DUSP19: variants seen among roughly 807,000 people sequenced by gnomAD.
DUSP19 encodes the protein dual specificity protein phosphatase 19.
In DUSP19, 14 loss-of-function variants were observed where a neutral mutation model predicts 16.6. The observed-to-expected ratio is 0.84, with a 90% CI of 0.56 to 1.32. The LOEUF (loss-of-function observed/expected upper bound fraction) is 1.32. Among genes scored for constraint, DUSP19 ranks in the 40% most tolerant of loss-of-function variants. The probability of loss-of-function intolerance (pLI) is 0.00; values close to 1 mark genes in which losing one functional copy is unlikely to be tolerated. For missense variants in DUSP19, 258 were observed against 255.9 expected, an observed-to-expected ratio of 1.01 and a Z score of -0.06; for synonymous variants, 81 against 90.5, an observed-to-expected ratio of 0.90 and a Z score of 0.59.
Position 183,087,085 on chromosome 2 carries a change from C to T in DUSP19, c.319C>T (p.Leu107Phe). The T allele has an allele frequency of 6.2e-7, 1 of 1,612,840 alleles. No homozygotes were observed. The highest frequency in any genetic ancestry group is 8.5e-7 in the Non-Finnish European group (1 of 1,179,726). ...TGCATATGGAGTTGAAAATGCTTTC[C>T]TCAGTGACTTTACATATAAGAGCAT... ...NVAYGVENAF[L>F]SDFTYKSISI... Residue 107 changes from leucine to phenylalanine, a missense_variant, in exon 3 of 4, where the codon CTC becomes TTC. Leu to Phe is a conservative substitution (Grantham distance 22). Transcript: ENST00000354221.
At chr2:183,088,272 T>C (rs1011210771) in intron 3 of DUSP19, among the ~76,000 whole-genome samples, 1 of 152,172 alleles carries the variant, frequency 6.6e-6, no homozygotes, top group African/African-American at 2.4e-5. Flanking sequence ...CACTCTGTGA[T>C]GTTTACACCA....
chr2:183,093,298 A>G (rs971508069), intron 3 of DUSP19, among the ~76,000 whole-genome samples: 1 of 152,230 alleles, frequency 6.6e-6, no homozygotes, highest in Non-Finnish European at 1.5e-5. Context: ...GAACAAATGT[A>G]TTCACTTAGC....
chr2:183,079,392 ATTTTAGAAAAGC>A (rs1699563392), intron 1 of DUSP19, among the ~76,000 whole-genome samples: 1 of 152,182 alleles, frequency 6.6e-6, no homozygotes, highest in African/African-American at 2.4e-5. Context: ...GCATATTTGA[ATTTTAGAAAAGC>A]TTTCTTCCCG....
At position 183,099,616 on chromosome 2, in the gene DUSP19, A is replaced by G. The variant is rs1699848840; in HGVS notation, c.*3958A>G. On this transcript the variant is annotated 3_prime_UTR_variant, in exon 4 of 4. Transcript: ENST00000354221. The stretch of plus-strand genomic sequence containing the variant: ...GTGTTGATATACTTTAATAAAAATG[A>G]TATGTTTAATATTTTCCCATTAATA... 2.0e-5 allele frequency: 3 copies of G among 152,198 alleles called. No homozygotes were observed. Among genetic ancestry groups the G allele is most frequent in the African/African-American group, 7.2e-5 (3 of 41,452 alleles). The allele number at this position is 152,198 out of a possible 1,614,324, so 9.4% of individuals were successfully genotyped here.
chr2:183,085,095 A>G (rs909064677), intron 2 of DUSP19, among the ~76,000 whole-genome samples: 3 of 152,224 alleles, frequency 2.0e-5, no homozygotes, highest in African/African-American at 7.2e-5. Flanking sequence ...GATGTGGATC[A>G]TCTAGGTGGG....
At chr2:183,083,686 A>C (rs1699624076) in intron 2 of DUSP19, 132 bp downstream of exon 2, 1 of 637,694 alleles carries the variant, frequency 1.6e-6, no homozygotes, top group Non-Finnish European at 2.5e-6. Context: ...TCATTTCAAT[A>C]GAGTTGAAAA....
intron 3 of DUSP19, among the ~76,000 whole-genome samples, chr2:183,089,626 A>G (rs1699707032): frequency 6.6e-6 from 1 of 152,212 alleles, no homozygotes; most frequent in Non-Finnish European, 1.5e-5. Context: ...AGGGGAGAGC[A>G]GTCAGCCATG....
At chr2:183,085,962 T>C (rs2105499813) in intron 2 of DUSP19, among the ~76,000 whole-genome samples, 1 of 141,460 alleles carries the variant, frequency 7.1e-6, no homozygotes, top group South Asian at 2.4e-4. Context: ...ACCTCCTGGG[T>C]TCAAGTGATT....
chr2:183,089,505 C>T (rs1292970976), intron 3 of DUSP19, among the ~76,000 whole-genome samples: 4 of 152,166 alleles, frequency 2.6e-5, no homozygotes, highest in Non-Finnish European at 5.9e-5. Flanking sequence ...CCCAGTAATA[C>T]AACTTTTCAA....
Position 183,095,490 on chromosome 2 carries a change from A to C in DUSP19, c.486A>C (p.Ile162=). The stretch of plus-strand genomic sequence containing the variant: ...TTTCCAGGGCTGCTGCAATTGTAAT[A>C]GGTTTCCTGATGAATTCTGAACAAA... ...AGVSRAAAIV[I]GFLMNSEQTS... Residue 162 remains isoleucine, a synonymous_variant, in exon 4 of 4, where the codon ATA becomes ATC. Transcript: ENST00000354221. 3 of 1,613,720 alleles carry C rather than the reference A, an allele frequency of 1.9e-6. No individual in the cohort carries two copies. Among genetic ancestry groups the C allele is most frequent in the Non-Finnish European group, 2.5e-6 (3 of 1,179,924 alleles).
Position 183,078,871 on chromosome 2 carries a change from A to C in DUSP19, c.-63A>C. 6.8e-7 allele frequency: 1 copy of C among 1,478,998 alleles called. No individual in the cohort carries two copies. The highest frequency in any genetic ancestry group is 9.3e-7 in the Non-Finnish European group (1 of 1,074,212). 91.6% of individuals were successfully genotyped at this position (1,478,998 alleles called of 1,614,324 possible). A position where few individuals can be genotyped will look rare whatever the true frequency, so the allele number is the denominator to read the frequency against. ...GTTACCTGGGCAATAAGGGACTAGC[A>C]GTTCAGCCGTTTTCTATGCCTGCTG... On this transcript the variant is annotated 5_prime_UTR_variant, in exon 1 of 4. Transcript: ENST00000354221.
At chr2:183,094,376 C>T (rs780293068) in intron 3 of DUSP19, among the ~76,000 whole-genome samples, 2 of 152,100 alleles carry the variant, frequency 1.3e-5, no homozygotes, top group Non-Finnish European at 2.9e-5. Context: ...TTTTTTCCCT[C>T]CTGCTCTCGT....
rs151317079 is a variant in DUSP19, at chr2:183,079,146, A to G, written c.213A>G (p.Pro71=). The change falls in exon 1 of 4, where the codon CCA becomes CCG. Residue 71 remains proline, a synonymous_variant. Transcript: ENST00000354221. ...ACCTGCAAGTTGGCGTTATTAAGCC[A>G]TGGTTGCTCCTAGGTGAGTATATCG... is the stretch of plus-strand genomic sequence containing the variant. ...SSDLQVGVIK[P]WLLLGSQDAA... 1.1e-4 allele frequency: 184 copies of G among 1,613,716 alleles called. No homozygotes were observed. In the African/African-American group the frequency reaches 1.9e-3, roughly 16 times the overall value.
At position 183,095,425 on chromosome 2, in the gene DUSP19, T is replaced by C. The variant is rs1559131214; in HGVS notation, c.427-6T>C. The stretch of plus-strand genomic sequence containing the variant: ...TGAAGATTTTTGTTTGTTTTTTTTT[T>C]TGTAGGATGGAGTGGTTCTTGTTCA... On this transcript the variant is annotated splice_polypyrimidine_tract_variant and splice_region_variant and intron_variant, in intron 3 of 3. Coordinates refer to ENST00000354221, the MANE Select transcript of DUSP19 (RefSeq NM_080876.4). 6.4e-7 allele frequency: 1 copy of C among 1,574,622 alleles called. No individual in the cohort carries two copies. The highest frequency in any genetic ancestry group is 1.2e-5 in the South Asian group (1 of 84,366).
chr2:183,095,989 GC>G lies in DUSP19; in HGVS notation c.*333del. The G allele has an allele frequency of 6.1e-6, 1 of 163,468 alleles. No individual in the cohort carries two copies. Among genetic ancestry groups the G allele is most frequent in the East Asian group, 1.7e-4 (1 of 5,942 alleles). The allele number at this position is 163,468 out of a possible 1,614,324, so 10.1% of individuals were successfully genotyped here. On this transcript the variant is annotated 3_prime_UTR_variant, in exon 4 of 4. Coordinates refer to ENST00000354221, the MANE Select transcript of DUSP19 (RefSeq NM_080876.4). ...AGCATGGAGAGAATCATTTAATGAAGCCTATTTTTCTGTTCCAGCAACTGTT... is the reference window on the plus strand; with the variant it reads ...AGCATGGAGAGAATCATTTAATGAAGCTATTTTTCTGTTCCAGCAACTGTT...
chr2:183,089,710 A>G (rs1320756113), intron 3 of DUSP19, among the ~76,000 whole-genome samples: 1 of 152,198 alleles, frequency 6.6e-6, no homozygotes, highest in Admixed American at 6.5e-5. Context: ...GAGGAGCTGC[A>G]GAAAATGTTT....
chr2:183,093,158 C>G (rs759377682), intron 3 of DUSP19, among the ~76,000 whole-genome samples: 2 of 152,106 alleles, frequency 1.3e-5, no homozygotes, highest in Non-Finnish European at 2.9e-5. Context: ...TATAATAGCA[C>G]AAGAACAAAG....
At chr2:183,084,913 A>C (rs1407230492) in intron 2 of DUSP19, among the ~76,000 whole-genome samples, 1 of 152,178 alleles carries the variant, frequency 6.6e-6, no homozygotes, top group African/African-American at 2.4e-5. Flanking sequence ...TTGATTACTT[A>C]TGAGGCAGGA....
rs574897772 is a variant in DUSP19 at position 183,099,521 on chromosome 2, T to C, written c.*3863T>C. Reference sequence around the variant, plus strand: ...AAAAAATAACTTATAGTTAGACTTTTCTATTTCAAGTAAAGCTTTGAGTTA... The same window carrying C: ...AAAAAATAACTTATAGTTAGACTTTCCTATTTCAAGTAAAGCTTTGAGTTA... On this transcript the variant is annotated 3_prime_UTR_variant, in exon 4 of 4. Coordinates refer to ENST00000354221, the MANE Select transcript of DUSP19 (RefSeq NM_080876.4). 1 of 152,358 alleles carries C rather than the reference T, an allele frequency of 6.6e-6. No individual in the cohort carries two copies. The highest frequency in any genetic ancestry group is 2.4e-5 in the African/African-American group (1 of 41,590). 9.4% of individuals were successfully genotyped at this position (152,358 alleles called of 1,614,324 possible).
Sources: allele counts gnomAD v4.1 joint callset (sites outside exome capture counted in the v4.1 genomes callset), GRCh38; gene constraint gnomAD v4.1.1; transcripts MANE v1.5; gene names NCBI Gene and HGNC (gene_info 2026-07-23, HGNC 2026-07-21).